TMEM260: variants seen among roughly 807,000 people sequenced by gnomAD.
TMEM260 encodes protein O-mannosyl-transferase TMEM260.
TMEM260 carries 82 observed loss-of-function variants against 88.9 expected under a neutral mutation model. The observed-to-expected ratio is 0.92, with a 90% CI of 0.77 to 1.11. The LOEUF (loss-of-function observed/expected upper bound fraction) is 1.11. TMEM260 is among the 50% of genes least tolerant of loss of function. TMEM260 has a pLI of 0.00. For missense variants in TMEM260, 902 were observed against 853.4 expected (o/e 1.06, Z -0.71); for synonymous variants, 314 against 309.3 (o/e 1.02, Z -0.16).
At chr14:56,653,841 A>G (rs539994238), downstream of TMEM260, among the ~76,000 whole-genome samples, 7 of 152,180 alleles carry the variant, frequency 4.6e-5, no homozygotes, top group African/African-American at 1.7e-4. Flanking sequence ...ACTGACATCT[A>G]TACTAAACAA....
intron 1 of TMEM260, among the ~76,000 whole-genome samples, chr14:56,580,419 T>C (rs1202966975): frequency 2.0e-5 from 3 of 152,234 alleles, no homozygotes; most frequent in African/African-American, 7.2e-5. Context: ...CCTTATTATG[T>C]TTCAAACAAA....
chr14:56,604,253 G>A (rs372455455), intron 4 of TMEM260, among the ~76,000 whole-genome samples: 10 of 151,934 alleles, frequency 6.6e-5, no homozygotes, highest in South Asian at 2.1e-4. Flanking sequence ...CTGTGTGTCC[G>A]GTGGGAAAGA....
chr14:56,579,769 G>A, upstream of TMEM260: 1 of 705,146 alleles, frequency 1.4e-6, no homozygotes, highest in Non-Finnish European at 2.0e-6. Context: ...CTCAGGCGGA[G>A]AAAGGTGCGG....
chr14:56,652,489 CAAAAAAA>C (rs34203722), downstream of TMEM260, among the ~76,000 whole-genome samples: 3 of 115,204 alleles, frequency 2.6e-5, no homozygotes, highest in South Asian at 9.0e-4. Flanking sequence ...CAGAGTGTCT[CAAAAAAA>C]AAAAAAAAAA....
intron 3 of TMEM260, among the ~76,000 whole-genome samples, chr14:56,596,669 A>G (rs188982223): frequency 1.7e-4 from 25 of 149,730 alleles, no homozygotes; most frequent in Non-Finnish European, 3.3e-4. Context: ...AGGCTGAGGC[A>G]GGAGAATTGC....
At chr14:56,651,009 A>G (rs1594911807), downstream of TMEM260, among the ~76,000 whole-genome samples, 1 of 152,214 alleles carries the variant, frequency 6.6e-6, no homozygotes, top group African/African-American at 2.4e-5. Context: ...ACTTCAACCC[A>G]GTAAGAGATT....
At chr14:56,652,282 G>T (rs921792571), downstream of TMEM260, among the ~76,000 whole-genome samples, 1 of 152,104 alleles carries the variant, frequency 6.6e-6, no homozygotes, top group African/African-American at 2.4e-5. Flanking sequence ...GACCGCTTGA[G>T]TCCGAGAGTT....
intron 7 of TMEM260, chr14:56,613,696 T>C (rs911265133): frequency 3.3e-5 from 5 of 152,088 alleles, no homozygotes; most frequent in African/African-American, 1.2e-4. Context: ...TTTCTTTTTA[T>C]GTGTGAGACT....
At chr14:56,660,359 C>T in the TMEM260 span, among the ~76,000 whole-genome samples, 5,347 of 152,188 alleles carry the variant, frequency 0.035, 344 homozygotes, top group African/African-American at 0.12. Context: ...TTTACCAATG[C>T]GCAATGTTAA....
In TMEM260 at chr14:56,636,536, C is replaced by G; in HGVS notation, c.1807C>G (p.Leu603Val). 6.2e-7 allele frequency: 1 copy of G among 1,613,998 alleles called. No individual in the cohort carries two copies. ...GAAAACACCGTTCTTCATCTTTAAC[C>G]TGGCAGAAACTGCTCACATGCCTTC... ...RMKTPFFIFN[L>V]AETAHMPSKV... Residue 603 changes from leucine to valine, a missense_variant, in exon 15 of 16, where the codon CTG becomes GTG. Physicochemically the swap from Leu to Val is conservative, Grantham distance 32 (BLOSUM62 1). Coordinates refer to ENST00000261556, the MANE Select transcript of TMEM260 (RefSeq NM_017799.4).
chr14:56,638,243 G>C (rs983421788), intron 15 of TMEM260: 3 of 151,536 alleles, frequency 2.0e-5, no homozygotes, highest in African/African-American at 7.3e-5. Flanking sequence ...CAGTAAGGAG[G>C]CCCAGCTTCT....
intron 7 of TMEM260, chr14:56,613,663 G>C (rs1486276987): frequency 6.6e-6 from 1 of 151,688 alleles, no homozygotes. Flanking sequence ...CCTTTTGATG[G>C]TTCTCACCAT....
chr14:56,628,320 C>G (rs945118609), intron 12 of TMEM260, among the ~76,000 whole-genome samples: 1 of 152,190 alleles, frequency 6.6e-6, no homozygotes, highest in East Asian at 1.9e-4. Flanking sequence ...AGGTACGCAA[C>G]CTCTGTCAAA....
intron 15 of TMEM260, among the ~76,000 whole-genome samples, chr14:56,640,024 GCCTGCGTGCCTT>G (rs1362807170): frequency 3.3e-5 from 5 of 152,198 alleles, no homozygotes; most frequent in African/African-American, 7.2e-5. Context: ...GCTCAAGGAG[GCCTGCGTGCCTT>G]CCTGCCTGCC....
downstream of TMEM260, among the ~76,000 whole-genome samples, chr14:56,653,683 C>T (rs141618467): frequency 2.9e-3 from 402 of 138,702 alleles, 3 homozygotes; most frequent in African/African-American, 0.011. Context: ...GCAAGTGAGC[C>T]GAGATCGCGC....
chr14:56,582,829 A>G (rs1885225144), intron 1 of TMEM260, among the ~76,000 whole-genome samples: 1 of 152,172 alleles, frequency 6.6e-6, no homozygotes, highest in African/African-American at 2.4e-5. Context: ...TTCCCTTTAG[A>G]TCTTTATCAA....
At chr14:56,662,801 G>C in the TMEM260 span, among the ~76,000 whole-genome samples, 75 of 152,334 alleles carry the variant, frequency 4.9e-4, no homozygotes, top group Non-Finnish European at 9.0e-4. Context: ...AGTTTTAATT[G>C]TCCAGCCTCT....
intron 1 of TMEM260, 44 bp from the exon 2 acceptor site, chr14:56,584,957 C>A (rs1392986676): frequency 6.4e-7 from 1 of 1,571,608 alleles, no homozygotes; most frequent in Non-Finnish European, 8.7e-7. Context: ...GGAGGAGTGT[C>A]ATTCTCTAAT....
At chr14:56,636,723 G>T in intron 15 of TMEM260, 125 bp downstream of exon 15, 3 of 813,790 alleles carry the variant, frequency 3.7e-6, no homozygotes, top group Admixed American at 2.3e-5. Context: ...AATTTGGGTG[G>T]TATAAAGCAG....
Sources: gnomAD v4.1 joint callset for allele counts (sites outside exome capture counted in the v4.1 genomes callset) on GRCh38, gnomAD v4.1.1 for gene constraint, MANE v1.5 for transcripts, NCBI Gene and HGNC (gene_info 2026-07-23, HGNC 2026-07-21) for gene names.